The following PDE4D variants were observed in gnomAD, a reference collection of about 807,000 sequenced individuals.
PDE4D encodes the protein phosphodiesterase 4D, also known as 3',5'-cyclic-AMP phosphodiesterase 4D.
A neutral mutation model predicts 87.4 loss-of-function variants in PDE4D; 24 were observed. The ratio of observed to expected loss-of-function variants is 0.27; its 90% CI spans 0.20 to 0.39. The LOEUF (loss-of-function observed/expected upper bound fraction) is 0.39. Among genes scored for constraint, PDE4D ranks in the 10% least tolerant of loss-of-function variants. The pLI is 1.00. For missense variants in PDE4D, 714 were observed against 1,041.0 expected (o/e 0.69, Z 4.32); for synonymous variants, 384 against 383.2 (o/e 1.00, Z -0.02).
intron 1 of PDE4D, among the ~76,000 whole-genome samples, chr5:60,426,231 G>T (rs925557923): frequency 1.3e-5 from 2 of 152,110 alleles, no homozygotes; most frequent in African/African-American, 4.8e-5. Context: ...ACATGCACAC[G>T]TATGTCTATT....
chr5:60,084,416 G>A (rs754771143), intron 2 of PDE4D, among the ~76,000 whole-genome samples: 17 of 151,988 alleles, frequency 1.1e-4, no homozygotes, highest in African/African-American at 1.9e-4. Flanking sequence ...GCGCGCGCGC[G>A]TGTGCGCATG....
intron 5 of PDE4D, among the ~76,000 whole-genome samples, chr5:59,049,766 G>A (rs991029472): frequency 6.6e-6 from 1 of 152,172 alleles, no homozygotes; most frequent in Admixed American, 6.5e-5. Flanking sequence ...ATACTTTCCT[G>A]AGTGAAGAAA....
rs556965349 is a variant in PDE4D, at chr5:59,849,167, A to G, written c.455+44001T>C. 2.0e-5 allele frequency among the ~76,000 whole-genome samples: 3 copies of G among 152,136 alleles called. No homozygotes were observed. The South Asian group carries it at 6.2e-4, about 32-fold the overall frequency. On this transcript the variant is annotated intron_variant, in intron 1 of 14. Coordinates refer to ENST00000340635, the MANE Select transcript of PDE4D (RefSeq NM_001104631.2). ...GCAGGTGGGATAAATAAGATAAAAG[A>G]CTCATTAATCATTCATTTAAACATT...
intron 5 of PDE4D, among the ~76,000 whole-genome samples, chr5:59,102,890 G>A (rs1292260478): frequency 1.3e-5 from 2 of 152,118 alleles, no homozygotes; most frequent in African/African-American, 4.8e-5. Context: ...TGGGGAGGGG[G>A]AGCATAACAC....
At chr5:59,127,380 G>A (rs1469675202) in intron 5 of PDE4D, among the ~76,000 whole-genome samples, 2 of 152,148 alleles carry the variant, frequency 1.3e-5, no homozygotes, top group East Asian at 1.9e-4. Flanking sequence ...TGTTTTATGT[G>A]CATGCAGAAG....
chr5:59,330,116 T>C (rs1401867491), intron 1 of PDE4D, among the ~76,000 whole-genome samples: 1 of 152,172 alleles, frequency 6.6e-6, no homozygotes, highest in Non-Finnish European at 1.5e-5. Context: ...CGTTAATTAA[T>C]GAATGATATA....
intron 6 of PDE4D, among the ~76,000 whole-genome samples, chr5:58,995,270 G>T (rs911251577): frequency 6.6e-6 from 1 of 152,092 alleles, no homozygotes; most frequent in Non-Finnish European, 1.5e-5. Context: ...ACTGCTGGAA[G>T]ATAACCACAG....
At chr5:59,182,879 T>C (rs1054979523) in intron 4 of PDE4D, among the ~76,000 whole-genome samples, 3 of 152,198 alleles carry the variant, frequency 2.0e-5, no homozygotes, top group Non-Finnish European at 4.4e-5. Context: ...TGTTAACAAG[T>C]CAGCAATGTG....
chr5:59,675,714 G>T (rs1474230742), intron 1 of PDE4D, among the ~76,000 whole-genome samples: 1 of 151,564 alleles, frequency 6.6e-6, no homozygotes, highest in African/African-American at 2.4e-5. Flanking sequence ...TTGAAAAAGG[G>T]TCTCTCACTC....
intron 2 of PDE4D, among the ~76,000 whole-genome samples, chr5:60,007,198 C>T (rs1764576037): frequency 1.3e-5 from 2 of 152,038 alleles, no homozygotes; most frequent in Admixed American, 1.3e-4. Flanking sequence ...CCTTCAGTTA[C>T]CACCCCAAAC....
intron 2 of PDE4D, among the ~76,000 whole-genome samples, chr5:60,125,609 G>C (rs1442571805): frequency 1.3e-5 from 2 of 152,042 alleles, no homozygotes; most frequent in African/African-American, 4.8e-5. Flanking sequence ...GAAAGACAGA[G>C]AGAGAGAGAG....
chr5:60,275,654 A>G (rs1751286025), intron 1 of PDE4D, among the ~76,000 whole-genome samples: 1 of 151,840 alleles, frequency 6.6e-6, no homozygotes, highest in African/African-American at 2.4e-5. Context: ...CTACAAAACC[A>G]ATTCTTTTCT....
intron 1 of PDE4D, among the ~76,000 whole-genome samples, chr5:59,467,483 T>C (rs1440464767): frequency 6.6e-6 from 1 of 152,196 alleles, no homozygotes; most frequent in African/African-American, 2.4e-5. Context: ...CCTTTTAACC[T>C]TTGCTATTTG....
At chr5:60,267,554 A>G (rs1418476316) in intron 1 of PDE4D, among the ~76,000 whole-genome samples, 2 of 152,138 alleles carry the variant, frequency 1.3e-5, no homozygotes, top group African/African-American at 4.8e-5. Flanking sequence ...TGTAAAAATA[A>G]GACCACCACC....
chr5:59,981,617 T>TTA (rs530464489), intron 3 of PDE4D, among the ~76,000 whole-genome samples: 2 of 152,294 alleles, frequency 1.3e-5, no homozygotes, highest in African/African-American at 4.8e-5. Flanking sequence ...GCCTAGTGGG[T>TTA]TATAGATCTT....
chr5:60,239,334 A>G (rs758905445), intron 1 of PDE4D, among the ~76,000 whole-genome samples: 2 of 152,084 alleles, frequency 1.3e-5, no homozygotes, highest in African/African-American at 4.8e-5. Flanking sequence ...TAATCACTAT[A>G]CTTTTACAGT....
chr5:59,809,652 G>A (rs947388511), intron 1 of PDE4D, among the ~76,000 whole-genome samples: 1 of 152,192 alleles, frequency 6.6e-6, no homozygotes, highest in Non-Finnish European at 1.5e-5. Flanking sequence ...TCTCCAGACT[G>A]TGCAGGCGGA....
chr5:59,408,437 A>G (rs258120), intron 1 of PDE4D, among the ~76,000 whole-genome samples: 103,350 of 152,100 alleles, frequency 0.68, 35,990 homozygotes, highest in African/African-American at 0.82. Flanking sequence ...TGCTACAGGG[A>G]CAGAGTCCTC....
intron 2 of PDE4D, among the ~76,000 whole-genome samples, chr5:60,045,264 C>T (rs1769071905): frequency 1.3e-5 from 2 of 151,672 alleles, no homozygotes; most frequent in South Asian, 4.2e-4. Flanking sequence ...GGATATTAGC[C>T]CTTTGTCAGA....
Sources: gnomAD v4.1 joint callset for allele counts (sites outside exome capture counted in the v4.1 genomes callset) on GRCh38, gnomAD v4.1.1 for gene constraint, MANE v1.5 for transcripts, NCBI Gene and HGNC (gene_info 2026-07-23, HGNC 2026-07-21) for gene names.